PSMD14: variants seen among roughly 807,000 people sequenced by gnomAD.
The protein encoded by PSMD14 is proteasome 26S subunit, non-ATPase 14, also known as ubiquitin C-terminal hydrolase PSMD14.
In PSMD14, 7 loss-of-function variants were observed where a neutral mutation model predicts 41.2. That is an observed-to-expected ratio of 0.17 (90% CI 0.10 to 0.32). The LOEUF (loss-of-function observed/expected upper bound fraction) is 0.32. PSMD14 is among the 10% of genes least tolerant of loss of function. The probability of loss-of-function intolerance (pLI) is 1.00; values close to 1 mark genes in which losing one functional copy is unlikely to be tolerated. For synonymous variants in PSMD14, 114 were observed against 122.3 expected (o/e 0.93, Z 0.45); for missense variants, 139 against 375.6 (o/e 0.37, Z 5.21).
chr2:161,313,130 G>T (rs1045201739), intron 1 of PSMD14, among the ~76,000 whole-genome samples: 21 of 152,088 alleles, frequency 1.4e-4, no homozygotes, highest in Non-Finnish European at 1.5e-4. Flanking sequence ...TTTACTCAAG[G>T]ACAGGGAACT....
rs925736293 is a variant in PSMD14, at chr2:161,358,573, A to C, written c.49-8905A>C. Among the ~76,000 whole-genome samples the C allele has an allele frequency of 2.0e-5, 3 of 152,136 alleles. No homozygotes were observed. The South Asian group carries it at 6.2e-4, about 32-fold the overall frequency. On this transcript the variant is annotated intron_variant, in intron 3 of 11. Transcript: ENST00000409682. Reference sequence around the variant, plus strand: ...CATTTCTGCCCATTACAACCTCATTAATCTGACCACTCCTACTCTACATTT... The same window carrying C: ...CATTTCTGCCCATTACAACCTCATTCATCTGACCACTCCTACTCTACATTT...
chr2:161,388,872 G>T (rs896445946), intron 8 of PSMD14, among the ~76,000 whole-genome samples: 1 of 152,094 alleles, frequency 6.6e-6, no homozygotes, highest in East Asian at 1.9e-4. Flanking sequence ...TCATAAGTCA[G>T]TTGGTCTTGT....
intron 3 of PSMD14, among the ~76,000 whole-genome samples, chr2:161,335,259 T>G (rs1459957935): frequency 6.6e-6 from 1 of 152,250 alleles, no homozygotes; most frequent in African/African-American, 2.4e-5. Flanking sequence ...CCAGTTTCTT[T>G]ATGTCCTTCC....
intron 3 of PSMD14, among the ~76,000 whole-genome samples, chr2:161,331,538 G>A (rs940131704): frequency 1.1e-4 from 16 of 152,270 alleles, no homozygotes; most frequent in Non-Finnish European, 1.6e-4. Flanking sequence ...GATTACAGGC[G>A]TGAGCCACCG....
At chr2:161,374,523 C>G (rs1683479187) in intron 7 of PSMD14, among the ~76,000 whole-genome samples, 1 of 151,950 alleles carries the variant, frequency 6.6e-6, no homozygotes, top group African/African-American at 2.4e-5. Context: ...ATGGTAATTG[C>G]ATTCATAATT....
intron 1 of PSMD14, among the ~76,000 whole-genome samples, chr2:161,310,279 T>C (rs779878695): frequency 2.6e-5 from 4 of 152,270 alleles, no homozygotes; most frequent in Non-Finnish European, 4.4e-5. Flanking sequence ...TCAATAAATA[T>C]TATTGCTGTT....
chr2:161,315,904 C>CTT (rs1689142684), intron 1 of PSMD14, among the ~76,000 whole-genome samples: 1 of 143,088 alleles, frequency 7.0e-6, no homozygotes, highest in Non-Finnish European at 1.5e-5. Context: ...AGTGCAATGG[C>CTT]GCGTTCTCGG....
At chr2:161,344,666 A>C (rs1281208246) in intron 3 of PSMD14, among the ~76,000 whole-genome samples, 1 of 151,978 alleles carries the variant, frequency 6.6e-6, no homozygotes, top group Non-Finnish European at 1.5e-5. Context: ...CCATATTTTT[A>C]TCTGGTATCA....
rs565557565 is a variant in PSMD14 at position 161,312,375 on chromosome 2, C to A, written c.-138+3771C>A. On this transcript the variant is annotated intron_variant, in intron 1 of 11. Transcript: ENST00000409682. ...GCCAGGCTGGTCTTGAACCCCTGAC[C>A]TCAAGTGATCTGCCCCCCTCGGCCT... Among the ~76,000 whole-genome samples the A allele has an allele frequency of 2.0e-5, 3 of 152,242 alleles. No homozygotes were observed. The East Asian group carries it at 5.8e-4, about 29-fold the overall frequency.
chr2:161,336,052 T>A (rs986746732), intron 3 of PSMD14, among the ~76,000 whole-genome samples: 1 of 152,256 alleles, frequency 6.6e-6, no homozygotes, highest in Non-Finnish European at 1.5e-5. Context: ...TAGAGGCGTA[T>A]GTTTAATGCT....
At chr2:161,393,669 A>G (rs983866789) in intron 9 of PSMD14, among the ~76,000 whole-genome samples, 5 of 152,108 alleles carry the variant, frequency 3.3e-5, no homozygotes, top group African/African-American at 1.2e-4. Context: ...TAATGGTTCT[A>G]TTGACGAAAC....
chr2:161,410,527 CATAA>C (rs1684010161), intron 11 of PSMD14, among the ~76,000 whole-genome samples: 1 of 151,928 alleles, frequency 6.6e-6, no homozygotes, highest in African/African-American at 2.4e-5. Flanking sequence ...CTGCCTAAAA[CATAA>C]ATACATACTA....
chr2:161,392,121 A>G (rs1683720517), intron 9 of PSMD14, among the ~76,000 whole-genome samples: 1 of 152,178 alleles, frequency 6.6e-6, no homozygotes, highest in South Asian at 2.1e-4. Flanking sequence ...TCTCTCAACT[A>G]ATGCCAAGTA....
Position 161,367,486 on chromosome 2 carries a change from T to A in PSMD14, c.57T>A (p.Pro19=). The change falls in exon 4 of 12, where the codon CCT becomes CCA. Residue 19 remains proline, a synonymous_variant. Transcript: ENST00000409682. Reference sequence around the variant, plus strand: ...GATGTATTTGTTTCTAGGGGCCACCTACAGATGCTCCTGCAGTGGACACAG... The same window carrying A: ...GATGTATTTGTTTCTAGGGGCCACCAACAGATGCTCCTGCAGTGGACACAG... ...GGMPGLGQGP[P]TDAPAVDTAE... 6.3e-7 allele frequency: 1 copy of A among 1,594,300 alleles called. No homozygotes were observed. The highest frequency in any genetic ancestry group is 8.6e-7 in the Non-Finnish European group (1 of 1,169,272).
chr2:161,316,149 T>G (rs1429174768), intron 1 of PSMD14, among the ~76,000 whole-genome samples: 1 of 152,212 alleles, frequency 6.6e-6, no homozygotes, highest in Non-Finnish European at 1.5e-5. Context: ...CAGCCTGTTT[T>G]GTTCTTGGAA....
intron 3 of PSMD14, among the ~76,000 whole-genome samples, chr2:161,344,575 T>C (rs1225092865): frequency 1.3e-5 from 2 of 152,226 alleles, no homozygotes; most frequent in African/African-American, 4.8e-5. Flanking sequence ...CGAATGATTA[T>C]CTTTTAAAGA....
At chr2:161,380,747 A>G (rs916481301) in intron 7 of PSMD14, among the ~76,000 whole-genome samples, 1 of 152,036 alleles carries the variant, frequency 6.6e-6, no homozygotes, top group East Asian at 1.9e-4. Context: ...AGTGATTTTC[A>G]TTGGAAATGG....
In PSMD14 at chr2:161,318,890, T is replaced by A. The variant is rs1310456237; in HGVS notation, c.48+17T>A. ...CTGGGCCAGGTTAGTATATAGTCTCTTGAGCATTTCCTTGTGTGTAAACTA... is the reference window on the plus strand; with the variant it reads ...CTGGGCCAGGTTAGTATATAGTCTCATGAGCATTTCCTTGTGTGTAAACTA... On this transcript the variant is annotated intron_variant, in intron 3 of 11. Coordinates refer to ENST00000409682, the MANE Select transcript of PSMD14 (RefSeq NM_005805.6). The A allele has an allele frequency of 1.2e-6, 2 of 1,604,116 alleles. No homozygotes were observed. Among genetic ancestry groups the A allele is most frequent in the African/African-American group, 2.7e-5 (2 of 74,710 alleles).
intron 3 of PSMD14, among the ~76,000 whole-genome samples, chr2:161,337,074 A>G (rs1172156474): frequency 6.6e-6 from 1 of 152,212 alleles, no homozygotes; most frequent in African/African-American, 2.4e-5. Flanking sequence ...ATTAACCAAG[A>G]TGTTTACAAG....
Sources: allele counts gnomAD v4.1 joint callset (sites outside exome capture counted in the v4.1 genomes callset), GRCh38; gene constraint gnomAD v4.1.1; transcripts MANE v1.5; gene names NCBI Gene and HGNC (gene_info 2026-07-23, HGNC 2026-07-21).